DDIAS: variants seen among roughly 807,000 people sequenced by gnomAD.
The protein encoded by DDIAS is DNA damage-induced apoptosis suppressor protein.
A neutral mutation model predicts 15.7 loss-of-function variants in DDIAS; 14 were observed. That is an observed-to-expected ratio of 0.89 (90% confidence interval 0.59 to 1.39). DDIAS has a LOEUF of 1.39. Among genes scored for constraint, DDIAS ranks in the 40% most tolerant of loss-of-function variants. The probability of loss-of-function intolerance (pLI) is 0.00; values close to 1 mark genes in which losing one functional copy is unlikely to be tolerated. For missense variants in DDIAS, 1,035 were observed against 1,130.9 expected (o/e 0.92, Z 1.22); for synonymous variants, 355 against 395.9 (o/e 0.90, Z 1.23).
Position 82,934,108 on chromosome 11 carries a change from A to G in DDIAS, c.2770A>G (p.Met924Val). The G allele has an allele frequency of 6.2e-7, 1 of 1,609,144 alleles. No individual in the cohort carries two copies. Among genetic ancestry groups the G allele is most frequent in the Non-Finnish European group, 8.5e-7 (1 of 1,178,718 alleles). ...KGLIKKKLKN[M>V]LAAVVTKKKT... ...TTTAATTAAGAAGAAATTAAAGAAT[A>G]TGCTTGCAGCAGTTGTTACGAAAAA... The change falls in exon 6 of 6, where the codon ATG becomes GTG. Residue 924 changes from methionine to valine, a missense_variant. Transcript: ENST00000533655.
intron 2 of DDIAS, 24 bp from the exon 3 acceptor site, chr11:82,914,699 C>G (rs569378998): frequency 8.0e-7 from 1 of 1,246,738 alleles, no homozygotes; most frequent in East Asian, 2.4e-5. Flanking sequence ...TGCCAGTCAT[C>G]CCAATGGCTA....
In DDIAS at chr11:82,932,441, A is replaced by G. The variant is rs1232310105; in HGVS notation, c.1103A>G (p.His368Arg). ...GTGGAAATTAAAAATAGGTCCCAGC[A>G]TGAGCTACCATGTTTTCAGCATCAT... is the stretch of plus-strand genomic sequence containing the variant. ...SAVEIKNRSQ[H>R]ELPCFQHHGI... Residue 368 changes from histidine (H) to arginine (R), a missense_variant, in exon 6 of 6, where the codon CAT becomes CGT. His to Arg is a conservative substitution (Grantham distance 29, BLOSUM62 0). Coordinates refer to ENST00000533655, the MANE Select transcript of DDIAS (RefSeq NM_145018.4). 1 of 1,614,218 alleles carries G rather than the reference A, an allele frequency of 6.2e-7. No homozygotes were observed. Among genetic ancestry groups the G allele is most frequent in the Admixed American group, 1.7e-5 (1 of 60,032 alleles).
chr11:82,932,848 A>C lies in DDIAS; in HGVS notation c.1510A>C (p.Ser504Arg), dbSNP rs1384073371. The change falls in exon 6 of 6, where the codon AGT (serine) becomes CGT (arginine). Residue 504 changes from serine (S) to arginine (R), a missense_variant. Transcript: ENST00000533655. ...DFLFNCKGNL[S>R]PSVEKESQPD... ...CCTTTTCAACTGTAAAGGAAATCTA[A>C]GTCCTAGTGTTGAAAAGGAGTCACA... The C allele has an allele frequency of 1.2e-6, 2 of 1,613,430 alleles. No homozygotes were observed. The highest frequency in any genetic ancestry group is 1.3e-5 in the African/African-American group (1 of 74,944).
Position 82,932,556 on chromosome 11 carries a change from G to C in DDIAS, c.1218G>C (p.Gln406His). 1 of 1,614,204 alleles carries C rather than the reference G, an allele frequency of 6.2e-7. No homozygotes were observed. The highest frequency in any genetic ancestry group is 8.5e-7 in the Non-Finnish European group (1 of 1,180,032). ...TTGAAGAGACAGCCAGCAGTTCCCA[G>C]GATGGTGACCCTCAAATTTGGGATG... is the stretch of plus-strand genomic sequence containing the variant. Reference protein sequence around the residue: ...LRLEETASSSQDGDPQIWDDL... With the variant: ...LRLEETASSSHDGDPQIWDDL... Residue 406 changes from glutamine to histidine, a missense_variant, in exon 6 of 6, where the codon CAG becomes CAC. Physicochemically the swap from Gln to His is conservative, Grantham distance 24. Coordinates refer to ENST00000533655, the MANE Select transcript of DDIAS (RefSeq NM_145018.4).
intron 3 of DDIAS, among the ~76,000 whole-genome samples, chr11:82,921,046 A>G (rs748948684): frequency 6.6e-6 from 1 of 152,010 alleles, no homozygotes; most frequent in Non-Finnish European, 1.5e-5. Context: ...TGTTTTATAA[A>G]TTTGGGAGCT....
chr11:82,926,364 C>T (rs768437496), intron 3 of DDIAS, among the ~76,000 whole-genome samples: 1 of 152,006 alleles, frequency 6.6e-6, no homozygotes, highest in Non-Finnish European at 1.5e-5. Flanking sequence ...GCTGGGATTA[C>T]AGGTGTGAGC....
intron 3 of DDIAS, among the ~76,000 whole-genome samples, chr11:82,927,279 A>C (rs996028868): frequency 6.6e-6 from 1 of 152,184 alleles, no homozygotes; most frequent in Admixed American, 6.5e-5. Flanking sequence ...GTACTAATGG[A>C]GTTTTATCCC....
intron 1 of DDIAS, among the ~76,000 whole-genome samples, 184 bp downstream of exon 1, chr11:82,902,006 G>T (rs978193517): frequency 6.6e-6 from 1 of 152,212 alleles, no homozygotes; most frequent in African/African-American, 2.4e-5. Flanking sequence ...TTTAGACTCA[G>T]TGCTTTTGCA....
chr11:82,915,765 G>C (rs1421438053), intron 3 of DDIAS, among the ~76,000 whole-genome samples: 1 of 152,156 alleles, frequency 6.6e-6, no homozygotes, highest in Non-Finnish European at 1.5e-5. Flanking sequence ...ATAGTGTTTA[G>C]ATTGTCTTAG....
rs1860599787 is a variant in DDIAS, at chr11:82,914,783, C to G, written c.45C>G (p.Leu15=). 2 of 1,611,494 alleles carry G rather than the reference C, an allele frequency of 1.2e-6. No individual in the cohort carries two copies. The highest frequency in any genetic ancestry group is 2.2e-5 in the South Asian group (2 of 90,988). Residue 15 remains leucine (L), a synonymous_variant, in exon 3 of 6, where the codon CTC becomes CTG. Coordinates refer to ENST00000533655, the MANE Select transcript of DDIAS (RefSeq NM_145018.4). ...RKFLLASVLA[L]QNSSFIYPSC... ...TTCTTCTAGCCTCAGTACTTGCTCT[C>G]CAGAATTCAAGTTTTATATATCCAT... is the stretch of plus-strand genomic sequence containing the variant.
At position 82,929,016 on chromosome 11, in the gene DDIAS, T is replaced by TATC; in HGVS notation, c.275+78_275+79insATC. On this transcript the variant is annotated intron_variant, in intron 4 of 5. Coordinates refer to ENST00000533655, the MANE Select transcript of DDIAS (RefSeq NM_145018.4). ...ACAAGTTTATAAGGCAATATGCATT[T>TATC]TTGTAGAAAGATAATCATTCAACCC... 3 of 1,472,624 alleles carry TATC rather than the reference T, an allele frequency of 2.0e-6. No individual in the cohort carries two copies. The East Asian group carries it at 7.0e-5, about 34-fold the overall frequency. The allele number at this position is 1,472,624 out of a possible 1,614,324, so 91.2% of individuals were successfully genotyped here. A position where few individuals can be genotyped will look rare whatever the true frequency, so the allele number is the denominator to read the frequency against.
chr11:82,930,878 G>A (rs888077939), intron 5 of DDIAS, among the ~76,000 whole-genome samples: 1 of 152,176 alleles, frequency 6.6e-6, no homozygotes, highest in African/African-American at 2.4e-5. Context: ...CACAACAGAA[G>A]AGTGAGAAAA....
At chr11:82,910,615 T>C (rs1341749899) in intron 1 of DDIAS, among the ~76,000 whole-genome samples, 15 of 75,578 alleles carry the variant, frequency 2.0e-4, no homozygotes, top group East Asian at 1.2e-3. Context: ...TCTTTTTTTT[T>C]TTTTTTTTTT....
Position 82,933,385 on chromosome 11 carries a change from A to G in DDIAS, c.2047A>G (p.Ile683Val), listed in dbSNP as rs1158633815. ...YDASADLFDD[I>V]AKEMDIATEI... ...TGCCTCTGCTGATCTCTTTGATGAT[A>G]TTGCTAAAGAAATGGACATTGCAAC... The change falls in exon 6 of 6, where the codon ATT becomes GTT. Residue 683 changes from isoleucine (I) to valine (V), a missense_variant. By Grantham distance (29) the Ile-to-Val change is conservative. Transcript: ENST00000533655. 1 of 1,614,016 alleles carries G rather than the reference A, an allele frequency of 6.2e-7. No individual in the cohort carries two copies. Among genetic ancestry groups the G allele is most frequent in the Non-Finnish European group, 8.5e-7 (1 of 1,179,930 alleles).
chr11:82,928,084 TA>T (rs1411268223), intron 3 of DDIAS, among the ~76,000 whole-genome samples: 1 of 151,144 alleles, frequency 6.6e-6, no homozygotes, highest in African/African-American at 2.4e-5. Flanking sequence ...TCTAATGAAT[TA>T]AAGAAAGTAA....
At position 82,914,890 on chromosome 11, in the gene DDIAS, A is replaced by G. The variant is rs1429592059; in HGVS notation, c.113+39A>G. The G allele has an allele frequency of 8.3e-6, 11 of 1,330,800 alleles. 1 individual carries two copies. The highest frequency in any genetic ancestry group is 3.8e-5 in the South Asian group (3 of 79,798). 82.4% of individuals were successfully genotyped at this position (1,330,800 alleles called of 1,614,324 possible). The stretch of plus-strand genomic sequence containing the variant: ...CTGTAAGTGTGAGAGAGGAAATACA[A>G]ATGCACACTGTAGATTTCCTATGGC... On this transcript the variant is annotated intron_variant, in intron 3 of 5. Coordinates refer to ENST00000533655, the MANE Select transcript of DDIAS (RefSeq NM_145018.4).
In DDIAS at chr11:82,932,322, T is replaced by C. The variant is rs1401300766; in HGVS notation, c.984T>C (p.Ser328=). The C allele has an allele frequency of 5.6e-6, 9 of 1,613,918 alleles. No homozygotes were observed. The highest frequency in any genetic ancestry group is 7.6e-6 in the Non-Finnish European group (9 of 1,179,930). ...QAKELSAVHS[S]HHEIGVNDSN... ...AGGAGCTGAGTGCAGTTCACAGCAG[T>C]CATCATGAAATTGGAGTTAATGACT... is the stretch of plus-strand genomic sequence containing the variant. Residue 328 remains serine (S), a synonymous_variant, in exon 6 of 6, where the codon AGT becomes AGC. Coordinates refer to ENST00000533655, the MANE Select transcript of DDIAS (RefSeq NM_145018.4).
intron 1 of DDIAS, among the ~76,000 whole-genome samples, chr11:82,912,946 G>C (rs1001186002): frequency 6.6e-6 from 1 of 152,144 alleles, no homozygotes; most frequent in African/African-American, 2.4e-5. Context: ...TGGTGGGGCA[G>C]TCAGACACAC....
chr11:82,925,074 T>C (rs189378429), intron 3 of DDIAS, among the ~76,000 whole-genome samples: 2 of 152,192 alleles, frequency 1.3e-5, no homozygotes, highest in Admixed American at 6.5e-5. Context: ...GAAGCAGATA[T>C]GAGAATCCAG....
Sources: gnomAD v4.1 joint callset for allele counts (sites outside exome capture counted in the v4.1 genomes callset) on GRCh38, gnomAD v4.1.1 for gene constraint, MANE v1.5 for transcripts, NCBI Gene and HGNC (gene_info 2026-07-23, HGNC 2026-07-21) for gene names.